PGM5: variants seen among roughly 807,000 people sequenced by gnomAD.
PGM5 encodes the protein phosphoglucomutase 5.
A neutral mutation model predicts 59.2 loss-of-function variants in PGM5; 23 were observed. That is an observed-to-expected ratio of 0.39 (90% CI 0.28 to 0.55). The LOEUF (loss-of-function observed/expected upper bound fraction) is 0.55, where lower values mean the gene tolerates loss of function less well. PGM5 is among the 20% of genes least tolerant of loss of function. The pLI, the probability that PGM5 is intolerant of heterozygous loss-of-function variation, is 0.66. For missense variants in PGM5, 574 were observed against 748.3 expected (o/e 0.77, Z 2.72); for synonymous variants, 214 against 286.0 (o/e 0.75, Z 2.54).
intron 6 of PGM5, among the ~76,000 whole-genome samples, chr9:68,456,956 A>G (rs1823789471): frequency 6.6e-6 from 1 of 152,084 alleles, no homozygotes; most frequent in Non-Finnish European, 1.5e-5. Flanking sequence ...AATGTGATGC[A>G]TGTGACATGA....
chr9:68,511,545 CTTTTTTT>C (rs3064033), intron 10 of PGM5, among the ~76,000 whole-genome samples: 3 of 62,728 alleles, frequency 4.8e-5, no homozygotes, highest in East Asian at 6.3e-4. Flanking sequence ...TTGTTTTTGC[CTTTTTTT>C]TTTTTTTTTT....
At position 68,415,159 on chromosome 9, in the gene PGM5, T is replaced by C. The variant is rs1204921324; in HGVS notation, c.1043+22686T>C. On this transcript the variant is annotated intron_variant, in intron 6 of 10. Transcript: ENST00000396396. ...TGTCTGGCTTCCTGTCCATTTACTT[T>C]CTGGTCATTCAAGGCCTACCACTGT... 3.4e-5 allele frequency among the ~76,000 whole-genome samples: 5 copies of C among 149,188 alleles called. 1 individual carries two copies. Among genetic ancestry groups the C allele is most frequent in the African/African-American group, 1.3e-4 (5 of 38,642 alleles).
intron 1 of PGM5, among the ~76,000 whole-genome samples, chr9:68,366,642 T>C (rs1305976951): frequency 1.3e-5 from 2 of 152,296 alleles, no homozygotes; most frequent in Non-Finnish European, 2.9e-5. Flanking sequence ...AAAATTAAAA[T>C]GATAAAGACA....
chr9:68,523,120 G>A (rs1188144964), intron 10 of PGM5, among the ~76,000 whole-genome samples: 2 of 152,198 alleles, frequency 1.3e-5, no homozygotes, highest in Non-Finnish European at 2.9e-5. Flanking sequence ...TCTATTGTAG[G>A]TTGCTAGCCA....
At chr9:68,404,656 G>A (rs1822756506) in intron 6 of PGM5, among the ~76,000 whole-genome samples, 1 of 152,216 alleles carries the variant, frequency 6.6e-6, no homozygotes, top group Non-Finnish European at 1.5e-5. Context: ...TCAGGTTGCT[G>A]CCTGACGATT....
chr9:68,384,744 A>G (rs1222314070), intron 3 of PGM5, among the ~76,000 whole-genome samples, 200 bp downstream of exon 3: 1 of 149,000 alleles, frequency 6.7e-6, no homozygotes, highest in Non-Finnish European at 1.5e-5. Context: ...TTCAAAAACC[A>G]CTTCCCAAAC....
intron 6 of PGM5, among the ~76,000 whole-genome samples, chr9:68,407,273 A>G (rs1410947519): frequency 2.0e-5 from 3 of 152,040 alleles, no homozygotes; most frequent in African/African-American, 4.8e-5. Flanking sequence ...GAACACAGAC[A>G]TGCACCACCC....
chr9:68,400,765 A>G (rs1186703211), intron 6 of PGM5: 1 of 152,462 alleles, frequency 6.6e-6, no homozygotes, highest in Admixed American at 6.5e-5. Context: ...ATTTTTAGTA[A>G]TGATATGTGG....
intron 10 of PGM5, among the ~76,000 whole-genome samples, chr9:68,510,394 G>T (rs983008040): frequency 2.0e-5 from 3 of 151,798 alleles, no homozygotes; most frequent in African/African-American, 2.4e-5. Flanking sequence ...CTCGTGATCC[G>T]CCCACCTCAG....
intron 4 of PGM5, 109 bp downstream of exon 4, chr9:68,387,697 CAT>C: frequency 9.5e-7 from 1 of 1,047,268 alleles, no homozygotes; most frequent in South Asian, 1.5e-5. Flanking sequence ...ATTCACACAA[CAT>C]GTGTATGTTC....
At chr9:68,374,401 C>G (rs1554677383) in intron 1 of PGM5, among the ~76,000 whole-genome samples, 1 of 148,082 alleles carries the variant, frequency 6.8e-6, no homozygotes, top group African/African-American at 2.5e-5. Context: ...TTGGGTAATA[C>G]TATAGGTGTA....
At chr9:68,375,704 A>G (rs1467811342) in intron 1 of PGM5, among the ~76,000 whole-genome samples, 1 of 152,254 alleles carries the variant, frequency 6.6e-6, no homozygotes, top group African/African-American at 2.4e-5. Context: ...AATATGGAAA[A>G]TGTTAAAGGC....
chr9:68,400,502 C>T (rs1196850586), intron 6 of PGM5: 1 of 152,430 alleles, frequency 6.6e-6, no homozygotes, highest in Non-Finnish European at 1.5e-5. Flanking sequence ...CTCAGTAAGT[C>T]CTTTGATACC....
chr9:68,452,346 C>T (rs552128327), intron 6 of PGM5, among the ~76,000 whole-genome samples: 1 of 152,292 alleles, frequency 6.6e-6, no homozygotes, highest in East Asian at 1.9e-4. Flanking sequence ...AGCCCCTACA[C>T]GGAATGGAAC....
chr9:68,462,166 T>TG (rs1823867206), intron 6 of PGM5, among the ~76,000 whole-genome samples: 1 of 152,126 alleles, frequency 6.6e-6, no homozygotes, highest in African/African-American at 2.4e-5. Context: ...CCTTTCTTTT[T>TG]TTCCCTTCAC....
intron 6 of PGM5, chr9:68,394,222 G>A (rs2933531): frequency 2.0e-5 from 3 of 152,216 alleles, no homozygotes; most frequent in Non-Finnish European, 4.4e-5. Flanking sequence ...GTACCCATAA[G>A]ATGCATTTCA....
chr9:68,430,055 C>A (rs915472205), intron 6 of PGM5, among the ~76,000 whole-genome samples: 5 of 152,068 alleles, frequency 3.3e-5, no homozygotes, highest in Non-Finnish European at 7.4e-5. Flanking sequence ...AATGCAAAAC[C>A]TAATTTTAAA....
chr9:68,400,986 G>A (rs1227048970), intron 6 of PGM5, among the ~76,000 whole-genome samples: 1 of 152,158 alleles, frequency 6.6e-6, no homozygotes, highest in Non-Finnish European at 1.5e-5. Context: ...TATGGTTTGT[G>A]TGTTGACCTA....
chr9:68,529,128 T>C (rs1825037670), intron 10 of PGM5, among the ~76,000 whole-genome samples: 2 of 151,560 alleles, frequency 1.3e-5, no homozygotes, highest in Non-Finnish European at 2.9e-5. Flanking sequence ...GTTCTTTAAA[T>C]CCATGGCCCT....
Sources: gnomAD v4.1 joint callset for allele counts (sites outside exome capture counted in the v4.1 genomes callset) on GRCh38, gnomAD v4.1.1 for gene constraint, MANE v1.5 for transcripts, NCBI Gene and HGNC (gene_info 2026-07-23, HGNC 2026-07-21) for gene names.